Variants in PTPRG observed in about 807,000 individuals in gnomAD.
The protein encoded by PTPRG is protein tyrosine phosphatase receptor type G.
In PTPRG, 102 loss-of-function variants were observed where a neutral mutation model predicts 165.3. That is an observed-to-expected ratio of 0.62 (90% CI 0.53 to 0.73). PTPRG has a LOEUF of 0.73. Among genes scored for constraint, PTPRG ranks in the 30% least tolerant of loss-of-function variants. The pLI, the probability that PTPRG is intolerant of heterozygous loss-of-function variation, is 0.00. For synonymous variants in PTPRG, 675 were observed against 669.5 expected, an observed-to-expected ratio of 1.01 and a Z score of -0.13; for missense variants, 1,866 against 1,861.4, an observed-to-expected ratio of 1.00 and a Z score of -0.05.
intron 1 of PTPRG, among the ~76,000 whole-genome samples, chr3:61,744,591 T>A (rs2033125772): frequency 6.6e-6 from 1 of 152,186 alleles, no homozygotes; most frequent in African/African-American, 2.4e-5. Context: ...ATATATGCAG[T>A]TTTTCATTGA....
rs1211378712 is a variant in PTPRG, at chr3:62,295,281, G to A, written c.*1974G>A. 1 of 152,138 alleles carries A rather than the reference G, an allele frequency of 6.6e-6. No homozygotes were observed. The allele number at this position is 152,138 out of a possible 1,614,324, so 9.4% of individuals were successfully genotyped here. A position where few individuals can be genotyped will look rare whatever the true frequency, so the allele number is the denominator to read the frequency against. ...AGGAACACTACAACTGCCAGATGCT[G>A]AGGAGAATCAGGAAAGCAATGAGCT... On this transcript the variant is annotated 3_prime_UTR_variant, in exon 30 of 30. Coordinates refer to ENST00000474889, the MANE Select transcript of PTPRG (RefSeq NM_002841.4).
intron 1 of PTPRG, among the ~76,000 whole-genome samples, chr3:61,660,568 A>C (rs1702628490): frequency 6.6e-6 from 1 of 152,184 alleles, no homozygotes; most frequent in African/African-American, 2.4e-5. Context: ...CCTGAGCCTC[A>C]GTTTCTCATT....
At position 62,203,921 on chromosome 3, in the gene PTPRG, A is replaced by C. The variant is rs188968913; in HGVS notation, c.2126A>C (p.Glu709Ala). Residue 709 changes from glutamate (E) to alanine (A), a missense_variant, in exon 12 of 30, where the codon GAA becomes GCA. Around this residue, in one of 3 missense-constraint regions of PTPRG, gnomAD observed 1,452 missense variants for 1,463.0 expected, o/e 0.99. Coordinates refer to ENST00000474889, the MANE Select transcript of PTPRG (RefSeq NM_002841.4). This position sits in a 1 kb window ranked among gnomAD's most constrained non-coding sequence, Gnocchi z 6.4. ...ATGTCCCGCGGGGACCGATTTTCTG[A>C]AGACAGCAGATTTATCACTGTTAAT... The part of the protein sequence containing the change: ...KPMSRGDRFS[E>A]DSRFITVNPA... 1 of 1,592,564 alleles carries C rather than the reference A, an allele frequency of 6.3e-7. No homozygotes were observed. Among genetic ancestry groups the C allele is most frequent in the East Asian group, 2.2e-5 (1 of 44,540 alleles).
intron 2 of PTPRG, among the ~76,000 whole-genome samples, chr3:61,854,978 A>AATTT (rs1031206788): frequency 6.6e-6 from 1 of 152,176 alleles, no homozygotes; most frequent in African/African-American, 2.4e-5. Flanking sequence ...AGTAGAGGGA[A>AATTT]TGCCGCTGGT....
intron 5 of PTPRG, among the ~76,000 whole-genome samples, chr3:62,115,072 A>T (rs1702811669): frequency 6.6e-6 from 1 of 152,212 alleles, no homozygotes; most frequent in Admixed American, 6.5e-5. Flanking sequence ...GGCAGAGTTA[A>T]AGCTCAGATT....
chr3:61,759,816 C>G (rs923896279), intron 2 of PTPRG, among the ~76,000 whole-genome samples: 10 of 149,836 alleles, frequency 6.7e-5, no homozygotes, highest in Non-Finnish European at 1.2e-4. Flanking sequence ...TTTTTTAAAT[C>G]AAGGAGAAAG....
rs2041357096 is a variant in PTPRG at position 62,008,927 on chromosome 3, G to T, written c.519+5430G>T. Among the ~76,000 whole-genome samples, 3 of 152,158 alleles carry T rather than the reference G, an allele frequency of 2.0e-5. No individual in the cohort carries two copies. In the South Asian group the frequency reaches 6.2e-4, roughly 32 times the overall value. ...CCTAACAGGCCATGGACTAGTACTG[G>T]CCCTGTTGGAGCCCATGTGCCATGT... On this transcript the variant is annotated intron_variant, in intron 4 of 29. Coordinates refer to ENST00000474889, the MANE Select transcript of PTPRG (RefSeq NM_002841.4).
At chr3:62,110,897 C>T (rs1417808740) in intron 5 of PTPRG, among the ~76,000 whole-genome samples, 2 of 152,106 alleles carry the variant, frequency 1.3e-5, no homozygotes, top group East Asian at 1.9e-4. Flanking sequence ...TCTGAATATG[C>T]ACACTTTGGG....
At chr3:61,562,966 G>C (rs1699801510) in intron 1 of PTPRG, among the ~76,000 whole-genome samples, 1 of 152,160 alleles carries the variant, frequency 6.6e-6, no homozygotes, top group Admixed American at 6.5e-5. Context: ...CTGGGGGCTG[G>C]GGCGCGGGCA....
At chr3:61,757,588 C>G (rs2033673156) in intron 2 of PTPRG, among the ~76,000 whole-genome samples, 1 of 151,906 alleles carries the variant, frequency 6.6e-6, no homozygotes, top group Admixed American at 6.6e-5. Flanking sequence ...CTGATATTGA[C>G]TTAGTTTGAA....
chr3:62,057,744 C>T (rs1700679556), intron 4 of PTPRG, among the ~76,000 whole-genome samples: 1 of 152,156 alleles, frequency 6.6e-6, no homozygotes, highest in Admixed American at 6.5e-5. Flanking sequence ...ATCTGCTGTG[C>T]CGTTAACATT....
intron 5 of PTPRG, among the ~76,000 whole-genome samples, chr3:62,112,651 C>G (rs1195083721): frequency 6.6e-6 from 1 of 152,156 alleles, no homozygotes; most frequent in African/African-American, 2.4e-5. Context: ...TTTACGAGTC[C>G]TATCTGGGCA....
intron 2 of PTPRG, among the ~76,000 whole-genome samples, chr3:61,920,257 G>A (rs1391025010): frequency 1.3e-5 from 2 of 152,190 alleles, no homozygotes; most frequent in Non-Finnish European, 1.5e-5. Flanking sequence ...CCAGCTCTGT[G>A]CCTTCTGGAG....
chr3:61,628,375 G>A (rs1335715235), intron 1 of PTPRG, among the ~76,000 whole-genome samples: 1 of 151,936 alleles, frequency 6.6e-6, no homozygotes, highest in Non-Finnish European at 1.5e-5. Flanking sequence ...GGAGTGCAGT[G>A]GCATGGTCTT....
intron 2 of PTPRG, among the ~76,000 whole-genome samples, chr3:61,942,514 T>C (rs2039655948): frequency 6.6e-6 from 1 of 152,268 alleles, no homozygotes; most frequent in Non-Finnish European, 1.5e-5. Context: ...TATTGTTCAC[T>C]TCATAATGAG....
intron 3 of PTPRG, among the ~76,000 whole-genome samples, chr3:61,999,007 C>T (rs1349979549): frequency 6.6e-6 from 1 of 152,138 alleles, no homozygotes; most frequent in Non-Finnish European, 1.5e-5. Context: ...GATACCTTCT[C>T]ACATTCCATG....
At chr3:62,133,985 A>C (rs1295126731) in intron 6 of PTPRG, among the ~76,000 whole-genome samples, 2 of 152,070 alleles carry the variant, frequency 1.3e-5, no homozygotes, top group Admixed American at 6.6e-5. Flanking sequence ...TCTGTCTCAA[A>C]AAAAAAAAGA....
intron 2 of PTPRG, 129 bp from the exon 3 acceptor site, chr3:61,989,496 G>C (rs1048287680): frequency 2.4e-6 from 2 of 845,580 alleles, no homozygotes; most frequent in East Asian, 2.5e-5. Context: ...TTGATTCATA[G>C]TTTTCAGTAC....
At chr3:62,181,332 G>T (rs1225316509) in intron 8 of PTPRG, among the ~76,000 whole-genome samples, 1 of 152,124 alleles carries the variant, frequency 6.6e-6, no homozygotes, top group Non-Finnish European at 1.5e-5. Context: ...CTAATCTTGG[G>T]CCACTCTCCT....
Sources: allele counts gnomAD v4.1 joint callset (sites outside exome capture counted in the v4.1 genomes callset), GRCh38; gene constraint gnomAD v4.1.1; regional missense constraint gnomAD v4.1.1; non-coding constraint Gnocchi (gnomAD v3.1); transcripts MANE v1.5; gene names NCBI Gene and HGNC (gene_info 2026-07-23, HGNC 2026-07-21).